Variants in CCDC85A observed in about 807,000 individuals in gnomAD.
CCDC85A encodes the protein coiled-coil domain containing 85A.
CCDC85A carries 38 observed loss-of-function variants against 50.2 expected under a neutral mutation model. The observed-to-expected ratio is 0.76, with a 90% CI of 0.58 to 0.99. The LOEUF is 0.99. Ranked by LOEUF, CCDC85A falls within the 50% of genes least tolerant of loss-of-function variation. The probability of loss-of-function intolerance (pLI) is 0.00; values close to 1 mark genes in which losing one functional copy is unlikely to be tolerated. For synonymous variants in CCDC85A, 366 were observed against 301.4 expected (o/e 1.21, Z -2.22); for missense variants, 820 against 742.0 (o/e 1.11, Z -1.22).
At chr2:56,368,263 A>T (rs955374935) in intron 3 of CCDC85A, among the ~76,000 whole-genome samples, 1 of 152,170 alleles carries the variant, frequency 6.6e-6, no homozygotes, top group Non-Finnish European at 1.5e-5. Flanking sequence ...TAACCGACTA[A>T]ATATTAACAT....
intron 2 of CCDC85A, among the ~76,000 whole-genome samples, chr2:56,300,382 A>G (rs1672145883): frequency 6.6e-6 from 1 of 152,236 alleles, no homozygotes; most frequent in East Asian, 1.9e-4. Flanking sequence ...GGCTGTTAGC[A>G]AAGGCAATTT....
At chr2:56,203,438 A>G (rs1332714120) in intron 2 of CCDC85A, among the ~76,000 whole-genome samples, 3 of 151,988 alleles carry the variant, frequency 2.0e-5, no homozygotes, top group Non-Finnish European at 4.4e-5. Flanking sequence ...TTATTCTAAA[A>G]CTATATGCCA....
intron 2 of CCDC85A, among the ~76,000 whole-genome samples, chr2:56,245,296 C>T (rs1669451947): frequency 6.6e-6 from 1 of 152,224 alleles, no homozygotes; most frequent in Admixed American, 6.5e-5. Flanking sequence ...TAAATGCTCC[C>T]TCTATGAGCA....
intron 2 of CCDC85A, among the ~76,000 whole-genome samples, chr2:56,203,238 G>C (rs1409432984): frequency 6.6e-6 from 1 of 152,138 alleles, no homozygotes; most frequent in Non-Finnish European, 1.5e-5. Context: ...TGATCAATTT[G>C]AGGTCTAGGA....
chr2:56,321,745 C>T (rs1673201166), intron 2 of CCDC85A, among the ~76,000 whole-genome samples: 1 of 152,150 alleles, frequency 6.6e-6, no homozygotes, highest in African/African-American at 2.4e-5. Context: ...TCAATTCCAT[C>T]CCCATCATGC....
At chr2:56,309,404 C>T (rs961125914) in intron 2 of CCDC85A, among the ~76,000 whole-genome samples, 3 of 152,084 alleles carry the variant, frequency 2.0e-5, no homozygotes, top group Non-Finnish European at 2.9e-5. Context: ...TTCACAGACC[C>T]TAGTTGGCAT....
intron 2 of CCDC85A, among the ~76,000 whole-genome samples, chr2:56,301,394 T>C (rs1672195747): frequency 6.6e-6 from 1 of 152,204 alleles, no homozygotes; most frequent in Non-Finnish European, 1.5e-5. Context: ...ACCTGGGTGC[T>C]GGTTAAAATG....
At chr2:56,376,026 A>C in intron 5 of CCDC85A, 91 bp downstream of exon 5, 1 of 1,349,200 alleles carries the variant, frequency 7.4e-7, no homozygotes, top group Non-Finnish European at 9.8e-7. Context: ...TCTTGCTTGA[A>C]CCATAGATAT....
chr2:56,190,204 G>A (rs911053154), intron 1 of CCDC85A, among the ~76,000 whole-genome samples: 10 of 152,118 alleles, frequency 6.6e-5, no homozygotes, highest in African/African-American at 1.2e-4. Context: ...GGATCGGTTC[G>A]CAAGACCAAA....
At chr2:56,348,045 AT>A (rs1277528976) in intron 3 of CCDC85A, among the ~76,000 whole-genome samples, 3 of 152,212 alleles carry the variant, frequency 2.0e-5, no homozygotes, top group Admixed American at 6.5e-5. Flanking sequence ...GGTAAAAGTT[AT>A]TATTAAACTA....
At chr2:56,278,186 C>A (rs1051646743) in intron 2 of CCDC85A, among the ~76,000 whole-genome samples, 1 of 152,004 alleles carries the variant, frequency 6.6e-6, no homozygotes, top group Non-Finnish European at 1.5e-5. Context: ...TCTGGATCCT[C>A]TATATTGGTT....
intron 2 of CCDC85A, among the ~76,000 whole-genome samples, chr2:56,334,030 A>G (rs1454909814): frequency 6.6e-6 from 1 of 152,180 alleles, no homozygotes; most frequent in African/African-American, 2.4e-5. Flanking sequence ...AGATCTTTGC[A>G]TAGTTGGCTT....
chr2:56,209,075 T>C (rs972962810), intron 2 of CCDC85A, among the ~76,000 whole-genome samples: 26 of 152,108 alleles, frequency 1.7e-4, no homozygotes, highest in African/African-American at 6.3e-4. Flanking sequence ...TGAGCCACCC[T>C]GCTCTGAAGG....
At chr2:56,337,009 C>G (rs74915025) in intron 2 of CCDC85A, among the ~76,000 whole-genome samples, 1,848 of 152,294 alleles carry the variant, frequency 0.012, 40 homozygotes, top group African/African-American at 0.042. Flanking sequence ...TGACTAGTCC[C>G]CATTGTTAGC....
chr2:56,382,600 CA>C (rs1410360050), intron 5 of CCDC85A, among the ~76,000 whole-genome samples: 5 of 151,998 alleles, frequency 3.3e-5, no homozygotes, highest in African/African-American at 9.7e-5. Context: ...TTGGTCATCT[CA>C]GTCACAGTCT....
chr2:56,292,934 T>A (rs1022967051), intron 2 of CCDC85A, among the ~76,000 whole-genome samples: 2 of 152,212 alleles, frequency 1.3e-5, no homozygotes, highest in African/African-American at 4.8e-5. Flanking sequence ...CTAAACCCAA[T>A]TGATAGTCAA....
chr2:56,350,798 G>T (rs1231793767), intron 3 of CCDC85A, among the ~76,000 whole-genome samples: 1 of 143,778 alleles, frequency 7.0e-6, no homozygotes, highest in African/African-American at 2.6e-5. Flanking sequence ...AATTTATTTA[G>T]TCAGCCATCC....
chr2:56,305,162 A>G (rs959068262), intron 2 of CCDC85A, among the ~76,000 whole-genome samples: 2 of 152,046 alleles, frequency 1.3e-5, no homozygotes, highest in African/African-American at 4.8e-5. Flanking sequence ...AAAAAAGTAT[A>G]ATGGTGGTCA....
intron 2 of CCDC85A, among the ~76,000 whole-genome samples, chr2:56,306,462 G>A (rs1360914060): frequency 6.6e-6 from 1 of 152,014 alleles, no homozygotes; most frequent in East Asian, 1.9e-4. Flanking sequence ...TTTTGAGTTG[G>A]CTTGAAAATG....
Sources: allele counts gnomAD v4.1 joint callset (sites outside exome capture counted in the v4.1 genomes callset), GRCh38; gene constraint gnomAD v4.1.1; transcripts MANE v1.5; gene names NCBI Gene and HGNC (gene_info 2026-07-23, HGNC 2026-07-21).